The following ZIC4 variants were observed in gnomAD, a reference collection of about 807,000 sequenced individuals.
ZIC4 encodes Zic family zinc finger 4.
In ZIC4, 15 loss-of-function variants were observed where a neutral mutation model predicts 28.8. The ratio of observed to expected loss-of-function variants is 0.52; its 90% CI spans 0.35 to 0.80. The LOEUF (loss-of-function observed/expected upper bound fraction) is 0.80. Ranked by LOEUF, ZIC4 falls within the 30% of genes least tolerant of loss-of-function variation. ZIC4 has a pLI of 0.01. For missense variants in ZIC4, 512 were observed against 467.1 expected, an observed-to-expected ratio of 1.10 and a Z score of -0.89; for synonymous variants, 220 against 198.1, an observed-to-expected ratio of 1.11 and a Z score of -0.93.
At chr3:147,403,977 G>A (rs997996569) in intron 1 of ZIC4, 17 of 1,536,904 alleles carry the variant, frequency 1.1e-5, no homozygotes, top group Non-Finnish European at 1.4e-5. Context: ...TTCCCAGAGG[G>A]TATTATTATT....
At chr3:147,405,301 G>GA (rs1303239891) in intron 1 of ZIC4, 3 of 1,399,692 alleles carry the variant, frequency 2.1e-6, no homozygotes, top group African/African-American at 1.4e-5. Context: ...TGAGACAGGA[G>GA]AAAAAAGAGC....
At position 147,391,172 on chromosome 3, in the gene ZIC4, A is replaced by T. The variant is rs764113088; in HGVS notation, c.763T>A (p.Ser255Thr). Reference sequence around the variant, plus strand: ...GGCTTGTCGCTAGTGTGCACGTGCGAATGCTTCTTACGGTCGCTGCTGTTG... The same window carrying T: ...GGCTTGTCGCTAGTGTGCACGTGCGTATGCTTCTTACGGTCGCTGCTGTTG... ...FANSSDRKKH[S>T]HVHTSDKPYT... The change falls in exon 4 of 5, where the codon TCG becomes ACG. Residue 255 changes from serine (S) to threonine (T), a missense_variant. Around this residue, in one of 3 missense-constraint regions of ZIC4, gnomAD observed 144 missense variants for 116.8 expected, o/e 1.23. Coordinates refer to ENST00000383075, the MANE Select transcript of ZIC4 (RefSeq NM_032153.6). 10 of 1,610,028 alleles carry T rather than the reference A, an allele frequency of 6.2e-6. No homozygotes were observed. Among genetic ancestry groups the T allele is most frequent in the Middle Eastern group, 1.6e-4 (1 of 6,074 alleles).
At chr3:147,399,392 A>G (rs1308881356) in intron 2 of ZIC4, among the ~76,000 whole-genome samples, 3 of 152,178 alleles carry the variant, frequency 2.0e-5, no homozygotes, top group Non-Finnish European at 4.4e-5. Flanking sequence ...GCAACTCTGG[A>G]CTGAATCCAT....
At chr3:147,405,689 G>A (rs2087258976) in intron 1 of ZIC4, 1 of 604,062 alleles carries the variant, frequency 1.7e-6, no homozygotes. Context: ...TGCTGGCCGC[G>A]CGCAGAGAGC....
In ZIC4 at chr3:147,396,502, G is replaced by C. The variant is rs2087047738; in HGVS notation, c.71-33C>G. The C allele has an allele frequency of 6.7e-7, 1 of 1,496,448 alleles. No individual in the cohort carries two copies. The highest frequency in any genetic ancestry group is 8.8e-7 in the Non-Finnish European group (1 of 1,130,202). 92.7% of individuals were successfully genotyped at this position (1,496,448 alleles called of 1,614,324 possible). A position where few individuals can be genotyped will look rare whatever the true frequency, so the allele number is the denominator to read the frequency against. ...CGAAACAAATAGCGCGCATGAGAACGGGTGGCGTGGGCTGCGCGCTCTTCC... is the reference window on the plus strand; with the variant it reads ...CGAAACAAATAGCGCGCATGAGAACCGGTGGCGTGGGCTGCGCGCTCTTCC... On this transcript the variant is annotated intron_variant, in intron 2 of 4. Coordinates refer to ENST00000383075, the MANE Select transcript of ZIC4 (RefSeq NM_032153.6). The surrounding 1 kb of genome is among the most constrained non-coding windows in gnomAD (Gnocchi z 4.2).
intron 1 of ZIC4, chr3:147,404,098 T>A: frequency 6.5e-7 from 1 of 1,536,680 alleles, no homozygotes; most frequent in Non-Finnish European, 8.7e-7. Context: ...AAGGGCGGCA[T>A]GCTGGGCGTC....
At chr3:147,402,960 C>G (rs944393678) in intron 1 of ZIC4, 148 bp from the exon 2 acceptor site, 23 of 620,648 alleles carry the variant, frequency 3.7e-5, no homozygotes, top group African/African-American at 3.5e-4. Flanking sequence ...AATTTTGAAG[C>G]TAAAGAAAAG....
At chr3:147,392,136 C>T (rs550966870) in intron 3 of ZIC4, 85 of 985,658 alleles carry the variant, frequency 8.6e-5, no homozygotes, top group African/African-American at 7.3e-4. Context: ...GCTGTCGGGC[C>T]TCTCGGTCCT....
At chr3:147,404,239 A>G in intron 1 of ZIC4, 2 of 1,444,648 alleles carry the variant, frequency 1.4e-6, no homozygotes, top group Admixed American at 2.7e-5. Flanking sequence ...CTGTCCACCC[A>G]TAAGGCAGCC....
chr3:147,391,971 T>G (rs2086932419), intron 3 of ZIC4: 1 of 985,330 alleles, frequency 1.0e-6, no homozygotes, highest in Non-Finnish European at 1.2e-6. Flanking sequence ...AAATCTTGCC[T>G]AAACCTTCCG....
intron 2 of ZIC4, among the ~76,000 whole-genome samples, chr3:147,399,811 A>T (rs2087127688): frequency 6.6e-6 from 1 of 151,964 alleles, no homozygotes; most frequent in South Asian, 2.1e-4. Flanking sequence ...GATTACAGGC[A>T]CCCAGCATCA....
In ZIC4 at chr3:147,402,736, T is replaced by G; in HGVS notation, c.62A>C (p.Lys21Thr). 6.2e-7 allele frequency: 1 copy of G among 1,613,456 alleles called. No homozygotes were observed. Among genetic ancestry groups the G allele is most frequent in the Non-Finnish European group, 8.5e-7 (1 of 1,179,686 alleles). Residue 21 changes from lysine (K) to threonine (T), a missense_variant, in exon 2 of 5, where the codon AAA (lysine) becomes ACA (threonine). This residue lies in a region of ZIC4 where 310 missense variants were observed against 256.5 expected (regional missense o/e 1.21). Transcript: ENST00000383075. Reference protein sequence around the residue: ...KRLRLYRNTLKESSSSSGHHG... With the variant: ...KRLRLYRNTLTESSSSSGHHG... ...GGAGGATTTTAACTTACTTGACTCT[T>G]TAAGAGTGTTTCGGTAAAGCCGTAA...
Position 147,396,228 on chromosome 3 carries a change from C to G in ZIC4, c.312G>C (p.Thr104=), listed in dbSNP as rs371449799. The G allele has an allele frequency of 3.1e-6, 5 of 1,613,760 alleles. No individual in the cohort carries two copies. Among genetic ancestry groups the G allele is most frequent in the Non-Finnish European group, 4.2e-6 (5 of 1,179,922 alleles). The change falls in exon 3 of 5, where the codon ACG becomes ACC. Residue 104 remains threonine, a synonymous_variant. Coordinates refer to ENST00000383075, the MANE Select transcript of ZIC4 (RefSeq NM_032153.6). The surrounding 1 kb of genome is among the most constrained non-coding windows in gnomAD (Gnocchi z 4.2). ...GACCGTGGGGCGCAGCGAGGTTCAC[C>G]GTCAGGTTCATGCCCCCGTAGCCAT... ...ALHGYGGMNL[T]VNLAAPHGPG...
chr3:147,405,250 G>C, intron 1 of ZIC4: 1 of 890,186 alleles, frequency 1.1e-6, no homozygotes, highest in Admixed American at 2.9e-5. Flanking sequence ...TGGGCATTTA[G>C]CCCTCCCTTT....
chr3:147,390,972 G>A lies in ZIC4; in HGVS notation c.963C>T (p.Ser321=), dbSNP rs376412853. ...SDCGHKSQVA[S]SAAVAARTAD... is the part of the protein sequence containing the mutation. ...CGGTACGCGCCGCCACCGCCGCCGAGGAGGCCACCTGGGACTTGTGGCCGC... is the reference window on the plus strand; with the variant it reads ...CGGTACGCGCCGCCACCGCCGCCGAAGAGGCCACCTGGGACTTGTGGCCGC... Residue 321 remains serine, a synonymous_variant, in exon 4 of 5, where the codon TCC becomes TCT. Transcript: ENST00000383075. The A allele has an allele frequency of 7.8e-5, 125 of 1,612,322 alleles. No individual in the cohort carries two copies. In the Middle Eastern group the frequency reaches 2.8e-3, roughly 36 times the overall value.
chr3:147,386,271 C>T lies in ZIC4; in HGVS notation c.*2588G>A, dbSNP rs2086796262. On this transcript the variant is annotated 3_prime_UTR_variant, in exon 5 of 5. Coordinates refer to ENST00000383075, the MANE Select transcript of ZIC4 (RefSeq NM_032153.6). The stretch of plus-strand genomic sequence containing the variant: ...TCAAGTTAGTTCATAATTTAACTGA[C>T]ACTAAAGAGACAGATGATAAATCAC... The T allele has an allele frequency of 6.6e-6, 1 of 152,284 alleles. No individual in the cohort carries two copies. Among genetic ancestry groups the T allele is most frequent in the African/African-American group, 2.4e-5 (1 of 41,444 alleles). The allele number at this position is 152,284 out of a possible 1,614,324, so 9.4% of individuals were successfully genotyped here. A position where few individuals can be genotyped will look rare whatever the true frequency, so the allele number is the denominator to read the frequency against.
intron 1 of ZIC4, chr3:147,405,307 A>C: frequency 1.4e-6 from 2 of 1,413,700 alleles, no homozygotes; most frequent in Non-Finnish European, 1.9e-6. Flanking sequence ...AGGAGAAAAA[A>C]GAGCAGCATG....
chr3:147,392,484 T>C (rs1240817080), intron 3 of ZIC4: 2 of 977,172 alleles, frequency 2.0e-6, no homozygotes, highest in East Asian at 1.1e-4. Flanking sequence ...GAAGCCTAGA[T>C]TCCTGCCGGA....
chr3:147,387,549 T>C lies in ZIC4; in HGVS notation c.*1310A>G, dbSNP rs2086817645. On this transcript the variant is annotated 3_prime_UTR_variant, in exon 5 of 5. Coordinates refer to ENST00000383075, the MANE Select transcript of ZIC4 (RefSeq NM_032153.6). Reference sequence around the variant, plus strand: ...TCCACTGTTTGATTTTTTTTTTCACTGTGTTTATTTTTCCCCTATTCACTG... The same window carrying C: ...TCCACTGTTTGATTTTTTTTTTCACCGTGTTTATTTTTCCCCTATTCACTG... The C allele has an allele frequency of 1.3e-5, 2 of 152,586 alleles. No individual in the cohort carries two copies. The highest frequency in any genetic ancestry group is 4.8e-5 in the African/African-American group (2 of 41,422). The allele number at this position is 152,586 out of a possible 1,614,324, so 9.5% of individuals were successfully genotyped here. A position where few individuals can be genotyped will look rare whatever the true frequency, so the allele number is the denominator to read the frequency against.
Sources: allele counts gnomAD v4.1 joint callset (sites outside exome capture counted in the v4.1 genomes callset), GRCh38; gene constraint gnomAD v4.1.1; regional missense constraint gnomAD v4.1.1; non-coding constraint Gnocchi (gnomAD v3.1); transcripts MANE v1.5; gene names NCBI Gene and HGNC (gene_info 2026-07-23, HGNC 2026-07-21).